The following SGCZ variants were observed in gnomAD, a reference collection of about 807,000 sequenced individuals.
SGCZ encodes the protein zeta-sarcoglycan.
SGCZ carries 40 observed loss-of-function variants against 41.3 expected under a neutral mutation model. The ratio of observed to expected loss-of-function variants is 0.97; its 90% CI spans 0.75 to 1.26. SGCZ has a LOEUF of 1.26. Among genes scored for constraint, SGCZ ranks in the 50% most tolerant of loss-of-function variants. SGCZ has a pLI of 0.00. For synonymous variants in SGCZ, 206 were observed against 137.5 expected (o/e 1.50, Z -3.49); for missense variants, 552 against 369.8 (o/e 1.49, Z -4.04).
intron 1 of SGCZ, among the ~76,000 whole-genome samples, chr8:15,214,478 T>A (rs777767726): frequency 6.6e-6 from 1 of 152,134 alleles, no homozygotes; most frequent in Admixed American, 6.5e-5. Flanking sequence ...CTTTAATGTG[T>A]CTATGCATAT....
intron 7 of SGCZ, among the ~76,000 whole-genome samples, chr8:14,098,244 G>T (rs1442764346): frequency 1.3e-5 from 2 of 152,134 alleles, no homozygotes; most frequent in Non-Finnish European, 2.9e-5. Context: ...TTACCCCATA[G>T]TTACTTCTGT....
At position 14,385,225 on chromosome 8, in the gene SGCZ, T is replaced by A. The variant is rs10104040; in HGVS notation, c.235-61021A>T. 7.3e-3 allele frequency among the ~76,000 whole-genome samples: 1,113 copies of A among 152,264 alleles called. 16 individuals carry two copies. Among genetic ancestry groups the A allele is most frequent in the African/African-American group, 0.025 (1,045 of 41,566 alleles). On this transcript the variant is annotated intron_variant, in intron 2 of 7. Coordinates refer to ENST00000382080, the MANE Select transcript of SGCZ (RefSeq NM_139167.4). The stretch of plus-strand genomic sequence containing the variant: ...TTGAGAGAGATGCGCACAGGTGGAC[T>A]CATGAACTGGTGTGAACCAGCTCCA...
intron 1 of SGCZ, among the ~76,000 whole-genome samples, chr8:14,773,291 T>C (rs1431128427): frequency 6.6e-6 from 1 of 152,182 alleles, no homozygotes; most frequent in Non-Finnish European, 1.5e-5. Flanking sequence ...GCCTTTAATT[T>C]TTCTTGGGCA....
intron 1 of SGCZ, among the ~76,000 whole-genome samples, chr8:14,789,419 G>C (rs1208128539): frequency 6.6e-6 from 1 of 152,126 alleles, no homozygotes; most frequent in Non-Finnish European, 1.5e-5. Context: ...ATTGATCTTT[G>C]TGTTTCAAAT....
At chr8:14,580,922 CTTTCTCTCTTTCAAAGGAAAAGT>C (rs1436535851) in intron 1 of SGCZ, among the ~76,000 whole-genome samples, 1 of 152,162 alleles carries the variant, frequency 6.6e-6, no homozygotes, top group Non-Finnish European at 1.5e-5. Context: ...ATTCACAACC[CTTTCTCTCTTTCAAAGGAAAAGT>C]AAATTGAAAT....
intron 2 of SGCZ, among the ~76,000 whole-genome samples, chr8:14,367,441 A>G (rs1478583987): frequency 6.6e-6 from 1 of 151,672 alleles, no homozygotes; most frequent in Non-Finnish European, 1.5e-5. Context: ...GCAGCACCCC[A>G]CTCTCTGTAG....
chr8:14,596,028 C>A (rs1033735094), intron 1 of SGCZ, among the ~76,000 whole-genome samples: 1 of 152,182 alleles, frequency 6.6e-6, no homozygotes, highest in Non-Finnish European at 1.5e-5. Context: ...TCAGTTTACA[C>A]GGTTAAATAA....
intron 1 of SGCZ, among the ~76,000 whole-genome samples, chr8:14,900,786 A>G (rs1798945700): frequency 6.6e-6 from 1 of 152,220 alleles, no homozygotes; most frequent in African/African-American, 2.4e-5. Flanking sequence ...ACTATTATCT[A>G]CAATTCCAAA....
rs1200926998 is a variant in SGCZ, at chr8:14,086,143, C to T, written c.*4300G>A. 1.3e-5 allele frequency among the ~76,000 whole-genome samples: 2 copies of T among 151,640 alleles called. No individual in the cohort carries two copies. Among genetic ancestry groups the T allele is most frequent in the African/African-American group, 4.8e-5 (2 of 41,370 alleles). ...ATTAAATATGATCACATGAACAACT[C>T]TTATTAGACCACAGCTATTTGAAGA... On this transcript the variant is annotated 3_prime_UTR_variant, in exon 8 of 8. Transcript: ENST00000382080.
chr8:14,622,448 G>T (rs1315776115), intron 1 of SGCZ, among the ~76,000 whole-genome samples: 2 of 152,172 alleles, frequency 1.3e-5, no homozygotes, highest in Non-Finnish European at 2.9e-5. Flanking sequence ...TTCTCTAGCT[G>T]AGAGTGTTAC....
intron 5 of SGCZ, among the ~76,000 whole-genome samples, chr8:14,150,671 G>A (rs1237670432): frequency 6.6e-6 from 1 of 152,016 alleles, no homozygotes; most frequent in Non-Finnish European, 1.5e-5. Flanking sequence ...CCTACTGCTG[G>A]GTGTACACAC....
intron 2 of SGCZ, among the ~76,000 whole-genome samples, chr8:14,367,270 T>C (rs1803744010): frequency 6.6e-6 from 1 of 152,114 alleles, no homozygotes; most frequent in Non-Finnish European, 1.5e-5. Context: ...GAATTCATTA[T>C]CCATATCACT....
intron 1 of SGCZ, among the ~76,000 whole-genome samples, chr8:15,194,321 A>G (rs1007298567): frequency 6.6e-6 from 1 of 152,240 alleles, no homozygotes; most frequent in Non-Finnish European, 1.5e-5. Flanking sequence ...AAGTTTATTC[A>G]TGGTGGGCAC....
At position 14,592,493 on chromosome 8, in the gene SGCZ, T is replaced by A. The variant is rs1003898162; in HGVS notation, c.40-37567A>T. Among the ~76,000 whole-genome samples, 2 of 152,144 alleles carry A rather than the reference T, an allele frequency of 1.3e-5. 1 individual carries two copies. Among genetic ancestry groups the A allele is most frequent in the Non-Finnish European group, 2.9e-5 (2 of 68,002 alleles). On this transcript the variant is annotated intron_variant, in intron 1 of 7. Transcript: ENST00000382080. ...TTCTTAATTTTACAAAGTTTATCTC[T>A]TCCAAGTTTTTATGCTCAATTTTTT... is the stretch of plus-strand genomic sequence containing the variant.
At chr8:14,749,729 T>A (rs538556410) in intron 1 of SGCZ, among the ~76,000 whole-genome samples, 8 of 152,076 alleles carry the variant, frequency 5.3e-5, no homozygotes, top group East Asian at 3.9e-4. Flanking sequence ...AGTTTTTTTT[T>A]AAATCAGTCA....
chr8:14,388,870 A>C (rs1804664741), intron 2 of SGCZ, among the ~76,000 whole-genome samples: 1 of 152,024 alleles, frequency 6.6e-6, no homozygotes, highest in Admixed American at 6.6e-5. Flanking sequence ...GCACTGTGAA[A>C]GAGATTGAGG....
intron 5 of SGCZ, among the ~76,000 whole-genome samples, chr8:14,155,998 A>G (rs1191404783): frequency 6.6e-6 from 1 of 152,102 alleles, no homozygotes; most frequent in Non-Finnish European, 1.5e-5. Context: ...TAATGATATA[A>G]AAGATTAAAT....
intron 2 of SGCZ, among the ~76,000 whole-genome samples, chr8:14,476,804 C>T (rs1211787207): frequency 1.3e-5 from 2 of 152,286 alleles, no homozygotes; most frequent in African/African-American, 2.4e-5. Flanking sequence ...GGTTTGACTT[C>T]TGCATACATA....
chr8:14,564,257 G>C (rs949587585), intron 1 of SGCZ, among the ~76,000 whole-genome samples: 28 of 152,188 alleles, frequency 1.8e-4, no homozygotes, highest in African/African-American at 6.0e-4. Flanking sequence ...CTTACTGGGA[G>C]TGTTGATATT....
Sources: gnomAD v4.1 joint callset for allele counts (sites outside exome capture counted in the v4.1 genomes callset) on GRCh38, gnomAD v4.1.1 for gene constraint, MANE v1.5 for transcripts, NCBI Gene and HGNC (gene_info 2026-07-23, HGNC 2026-07-21) for gene names.